PPIL6: variants seen among roughly 807,000 people sequenced by gnomAD.
The protein encoded by PPIL6 is probable inactive peptidyl-prolyl cis-trans isomerase-like 6.
In PPIL6, 39 loss-of-function variants were observed where a neutral mutation model predicts 36.8. That is an observed-to-expected ratio of 1.06 (90% confidence interval 0.82 to 1.38). The LOEUF (loss-of-function observed/expected upper bound fraction) is 1.38. PPIL6 is among the 40% of genes most tolerant of loss of function. PPIL6 has a pLI of 0.00. For missense variants in PPIL6, 368 were observed against 379.1 expected, an observed-to-expected ratio of 0.97 and a Z score of 0.24; for synonymous variants, 123 against 134.1, an observed-to-expected ratio of 0.92 and a Z score of 0.57.
rs150808364 is a variant in PPIL6 at position 109,433,377 on chromosome 6, C to T, written c.232-2032G>A. On this transcript the variant is annotated intron_variant, in intron 2 of 7. Coordinates refer to ENST00000521072, the MANE Select transcript of PPIL6 (RefSeq NM_173672.5). ...CTGCCAGGACCCAGAACTTTCTAAA[C>T]GGGAGAAAAAAATGTCACTGTGGAT... Among the ~76,000 whole-genome samples the T allele has an allele frequency of 3.4e-4, 51 of 152,152 alleles. No homozygotes were observed. In the East Asian group the frequency reaches 5.4e-3, roughly 16 times the overall value.
rs58424410 is a variant in PPIL6, at chr6:109,431,362, C to CAAAAA, written c.232-22_232-18dup. On this transcript the variant is annotated splice_polypyrimidine_tract_variant and intron_variant, in intron 2 of 7. Coordinates refer to ENST00000521072, the MANE Select transcript of PPIL6 (RefSeq NM_173672.5). ...TTTGAGTTCCTGTAAGGGAAAAGGA[C>CAAAAA]AAAAAAAAAAAAAAACGTAAGAAGT... The CAAAAA allele has an allele frequency of 1.0e-4, 108 of 1,075,424 alleles. 1 individual carries two copies. In the African/African-American group the frequency reaches 1.4e-3, roughly 14 times the overall value. 66.6% of individuals were successfully genotyped at this position (1,075,424 alleles called of 1,614,324 possible). A position where few individuals can be genotyped will look rare whatever the true frequency, so the allele number is the denominator to read the frequency against.
chr6:109,440,616 C>G lies in PPIL6; in HGVS notation c.-26G>C. On this transcript the variant is annotated 5_prime_UTR_variant, in exon 1 of 8. Coordinates refer to ENST00000521072, the MANE Select transcript of PPIL6 (RefSeq NM_173672.5). ...GGCCGCGCCCGGGGACGCCCGGTGA[C>G]CCCAAACACTGCGCGTCGCTCCGGC... The G allele has an allele frequency of 8.1e-7, 1 of 1,236,986 alleles. No individual in the cohort carries two copies. The highest frequency in any genetic ancestry group is 3.2e-4 in the Middle Eastern group (1 of 3,166). The allele number at this position is 1,236,986 out of a possible 1,614,324, so 76.6% of individuals were successfully genotyped here. A position where few individuals can be genotyped will look rare whatever the true frequency, so the allele number is the denominator to read the frequency against.
At chr6:109,404,164 C>CT (rs1772682004) in intron 6 of PPIL6, among the ~76,000 whole-genome samples, 1 of 152,170 alleles carries the variant, frequency 6.6e-6, no homozygotes, top group Non-Finnish European at 1.5e-5. Flanking sequence ...CTACAACAGT[C>CT]TAAGGATGGG....
At chr6:109,417,798 G>A (rs951171953) in intron 6 of PPIL6, among the ~76,000 whole-genome samples, 1 of 152,200 alleles carries the variant, frequency 6.6e-6, no homozygotes, top group African/African-American at 2.4e-5. Flanking sequence ...CACCTGTCCA[G>A]TCCAACCTTG....
In PPIL6 at chr6:109,392,128, T is replaced by C. The variant is rs1446923771; in HGVS notation, c.*698A>G. On this transcript the variant is annotated 3_prime_UTR_variant, in exon 8 of 8. Transcript: ENST00000521072. ...GTCCAGAGTAGGTGGTTGCTGGTATTGGTCCCGCAGCTCAAGAGACTGGGG... is the reference window on the plus strand; with the variant it reads ...GTCCAGAGTAGGTGGTTGCTGGTATCGGTCCCGCAGCTCAAGAGACTGGGG... 1 of 152,224 alleles carries C rather than the reference T, an allele frequency of 6.6e-6. No individual in the cohort carries two copies. Among genetic ancestry groups the C allele is most frequent in the African/African-American group, 2.4e-5 (1 of 41,450 alleles). 9.4% of individuals were successfully genotyped at this position (152,224 alleles called of 1,614,324 possible). A position where few individuals can be genotyped will look rare whatever the true frequency, so the allele number is the denominator to read the frequency against.
intron 2 of PPIL6, among the ~76,000 whole-genome samples, chr6:109,433,439 G>GT (rs1387017310): frequency 1.3e-5 from 2 of 152,232 alleles, no homozygotes; most frequent in Non-Finnish European, 2.9e-5. Context: ...GCAGTAGAAG[G>GT]TATGTTTTAT....
At chr6:109,421,530 A>T (rs1773537337) in intron 5 of PPIL6, among the ~76,000 whole-genome samples, 1 of 152,220 alleles carries the variant, frequency 6.6e-6, no homozygotes. Flanking sequence ...GCAGCATCAC[A>T]TGCTTCTAGA....
At chr6:109,440,934 G>A (rs1382838758), upstream of PPIL6, 6 of 605,804 alleles carry the variant, frequency 9.9e-6, no homozygotes, top group African/African-American at 3.9e-5. Flanking sequence ...ATTGGGAACA[G>A]CCGGCCGGTT....
chr6:109,414,409 C>G (rs1326441101), intron 6 of PPIL6, among the ~76,000 whole-genome samples: 1 of 150,402 alleles, frequency 6.6e-6, no homozygotes, highest in Non-Finnish European at 1.5e-5. Context: ...TCTGTTGCAT[C>G]ATGTTTTTTT....
intron 6 of PPIL6, among the ~76,000 whole-genome samples, chr6:109,414,015 A>G (rs1048793109): frequency 4.6e-5 from 7 of 152,012 alleles, no homozygotes; most frequent in Admixed American, 1.3e-4. Context: ...AATAGGCACA[A>G]AAAAAAAGAA....
chr6:109,399,098 A>T (rs1329245829), intron 7 of PPIL6, among the ~76,000 whole-genome samples: 9 of 76,406 alleles, frequency 1.2e-4, no homozygotes, highest in Admixed American at 6.0e-4. Flanking sequence ...GCTAATTTTT[A>T]TTTATTTATT....
chr6:109,440,628 C>G lies in PPIL6; in HGVS notation c.-38G>C. 1 of 1,201,940 alleles carries G rather than the reference C, an allele frequency of 8.3e-7. No individual in the cohort carries two copies. Among genetic ancestry groups the G allele is most frequent in the Non-Finnish European group, 1.0e-6 (1 of 969,086 alleles). The allele number at this position is 1,201,940 out of a possible 1,614,324, so 74.5% of individuals were successfully genotyped here. A position where few individuals can be genotyped will look rare whatever the true frequency, so the allele number is the denominator to read the frequency against. On this transcript the variant is annotated 5_prime_UTR_variant, in exon 1 of 8. Transcript: ENST00000521072. Reference sequence around the variant, plus strand: ...GGACGCCCGGTGACCCCAAACACTGCGCGTCGCTCCGGCAACCGCGCGGCC... The same window carrying G: ...GGACGCCCGGTGACCCCAAACACTGGGCGTCGCTCCGGCAACCGCGCGGCC...
chr6:109,427,438 T>C (rs1170249153), intron 3 of PPIL6, among the ~76,000 whole-genome samples: 2 of 152,106 alleles, frequency 1.3e-5, no homozygotes, highest in Non-Finnish European at 2.9e-5. Context: ...GGCTGGGGTG[T>C]AGTGGCACCA....
At chr6:109,421,033 A>C (rs949615482) in intron 5 of PPIL6, among the ~76,000 whole-genome samples, 2 of 152,108 alleles carry the variant, frequency 1.3e-5, no homozygotes, top group Non-Finnish European at 2.9e-5. Flanking sequence ...GGGCCCCCCC[A>C]CCATCAATCC....
intron 5 of PPIL6, among the ~76,000 whole-genome samples, chr6:109,423,034 C>T (rs1773630751): frequency 6.6e-6 from 1 of 152,096 alleles, no homozygotes. Context: ...TACAAGGGAA[C>T]ACTGAGGTAA....
Position 109,390,949 on chromosome 6 carries a change from AGAGATTGTTCTTGGAAGACAAACCTC to A in PPIL6, c.*1851_*1876del, listed in dbSNP as rs1401545181. 2 of 152,188 alleles carry A rather than the reference AGAGATTGTTCTTGGAAGACAAACCTC, an allele frequency of 1.3e-5. No homozygotes were observed. The highest frequency in any genetic ancestry group is 2.4e-5 in the African/African-American group (1 of 41,454). 9.4% of individuals were successfully genotyped at this position (152,188 alleles called of 1,614,324 possible). A position where few individuals can be genotyped will look rare whatever the true frequency, so the allele number is the denominator to read the frequency against. On this transcript the variant is annotated 3_prime_UTR_variant, in exon 8 of 8. Transcript: ENST00000521072. ...CTGCCTCTTTAAGACTGATGTAAAT[AGAGATTGTTCTTGGAAGACAAACCTC>A]ATTCTGCTTAGGGTAAGAAAAGCAC...
intron 1 of PPIL6, among the ~76,000 whole-genome samples, chr6:109,439,790 G>T: frequency 6.6e-6 from 1 of 152,204 alleles, no homozygotes; most frequent in East Asian, 1.9e-4. Flanking sequence ...AAGAAGGGCT[G>T]AATTCTACAT....
chr6:109,441,060 G>A, upstream of PPIL6: 1 of 1,569,716 alleles, frequency 6.4e-7, no homozygotes, highest in Admixed American at 1.7e-5. Context: ...GGCCGCCCCC[G>A]TCCCCACCGC....
chr6:109,427,459 T>C lies in PPIL6; in HGVS notation c.421-303A>G, dbSNP rs549757621. ...GGTGTAGTGGCACCATCTTGGCTCA[T>C]TGCAGCCTCAACCTCCTGGGCTCAA... On this transcript the variant is annotated intron_variant, in intron 3 of 7. Transcript: ENST00000521072. Among the ~76,000 whole-genome samples, 195 of 152,204 alleles carry C rather than the reference T, an allele frequency of 1.3e-3. 2 individuals are homozygous for C. The highest frequency in any genetic ancestry group is 8.1e-3 in the South Asian group (39 of 4,812).
Sources: gnomAD v4.1 joint callset for allele counts (sites outside exome capture counted in the v4.1 genomes callset) on GRCh38, gnomAD v4.1.1 for gene constraint, MANE v1.5 for transcripts, NCBI Gene and HGNC (gene_info 2026-07-23, HGNC 2026-07-21) for gene names.